MAF: variants seen among roughly 807,000 people sequenced by gnomAD.
MAF encodes the protein MAF bZIP transcription factor.
Under a neutral mutation model 22.0 loss-of-function variants are expected in MAF, and 10 were observed. That is an observed-to-expected ratio of 0.45 (90% confidence interval 0.28 to 0.77). The LOEUF is 0.77. MAF is among the 30% of genes least tolerant of loss of function. The pLI is 0.12. For synonymous variants in MAF, 337 were observed against 255.8 expected (o/e 1.32, Z -3.03); for missense variants, 544 against 548.4 (o/e 0.99, Z 0.08).
the MAF span, among the ~76,000 whole-genome samples, chr16:79,229,698 CGTT>C: frequency 2.6e-5 from 4 of 152,028 alleles, no homozygotes; most frequent in Admixed American, 6.6e-5. Context: ...GCTGGCTCCT[CGTT>C]GAGCTATCTA....
the MAF span, among the ~76,000 whole-genome samples, chr16:79,464,924 T>A: frequency 6.6e-6 from 1 of 152,152 alleles, no homozygotes; most frequent in Non-Finnish European, 1.5e-5. Flanking sequence ...TTCAAGGAGA[T>A]GATACAGAAA....
At chr16:79,572,877 G>T in the MAF span, among the ~76,000 whole-genome samples, 1 of 152,208 alleles carries the variant, frequency 6.6e-6, no homozygotes, top group East Asian at 1.9e-4. Context: ...AAGGTGTTAT[G>T]TCTGTGAATA....
the MAF span, among the ~76,000 whole-genome samples, chr16:79,373,732 C>T: frequency 6.6e-6 from 1 of 152,098 alleles, no homozygotes; most frequent in African/African-American, 2.4e-5. Context: ...TTAGCCCCCT[C>T]ATCATGTGAT....
At chr16:79,431,260 C>A in the MAF span, among the ~76,000 whole-genome samples, 13 of 152,078 alleles carry the variant, frequency 8.5e-5, no homozygotes, top group Non-Finnish European at 1.8e-4. Flanking sequence ...GGTGATGAGC[C>A]CCATGTCCCG....
chr16:79,214,591 G>C, the MAF span, among the ~76,000 whole-genome samples: 2 of 150,858 alleles, frequency 1.3e-5, no homozygotes, highest in Non-Finnish European at 1.5e-5. Flanking sequence ...ATTTTAAGTA[G>C]AGACGGGGTT....
the MAF span, among the ~76,000 whole-genome samples, chr16:79,573,734 A>C: frequency 6.6e-6 from 1 of 152,232 alleles, no homozygotes; most frequent in Admixed American, 6.5e-5. Flanking sequence ...TATATGTCCA[A>C]AGAAGAACAT....
the MAF span, among the ~76,000 whole-genome samples, chr16:79,292,197 T>C: frequency 2.0e-5 from 3 of 152,140 alleles, no homozygotes; most frequent in Non-Finnish European, 2.9e-5. Context: ...GTGATCTTAT[T>C]TGGAAATAGT....
At chr16:79,210,152 C>T in the MAF span, among the ~76,000 whole-genome samples, 15 of 152,324 alleles carry the variant, frequency 9.8e-5, no homozygotes, top group East Asian at 1.4e-3. Flanking sequence ...CGCCCAGAGT[C>T]GTATCACTTG....
chr16:79,227,215 G>A, the MAF span, among the ~76,000 whole-genome samples: 1 of 152,016 alleles, frequency 6.6e-6, no homozygotes, highest in African/African-American at 2.4e-5. Context: ...TCCAGGCATG[G>A]CGGCACACAC....
At chr16:79,557,168 T>TG in the MAF span, among the ~76,000 whole-genome samples, 1 of 111,182 alleles carries the variant, frequency 9.0e-6, no homozygotes, top group Non-Finnish European at 2.2e-5. Context: ...GCAAGTGTAG[T>TG]TTTTTTTATT....
chr16:79,511,437 A>G, the MAF span, among the ~76,000 whole-genome samples: 2 of 152,196 alleles, frequency 1.3e-5, no homozygotes, highest in African/African-American at 4.8e-5. Context: ...TCAGGTCTTT[A>G]TTTCTGAAAA....
At chr16:79,359,248 C>A in the MAF span, among the ~76,000 whole-genome samples, 1 of 152,124 alleles carries the variant, frequency 6.6e-6, no homozygotes, top group Non-Finnish European at 1.5e-5. Context: ...CATCTTGTTG[C>A]CATGTACCCC....
At chr16:79,366,241 A>G in the MAF span, among the ~76,000 whole-genome samples, 1 of 152,232 alleles carries the variant, frequency 6.6e-6, no homozygotes, top group Admixed American at 6.5e-5. Context: ...GCTCTACAAG[A>G]TTCAACCTTT....
chr16:79,435,446 G>A, the MAF span, among the ~76,000 whole-genome samples: 6 of 152,316 alleles, frequency 3.9e-5, no homozygotes, highest in East Asian at 9.7e-4. Flanking sequence ...GGTCAATAGC[G>A]AAATCTTCTT....
At chr16:79,434,336 T>G in the MAF span, among the ~76,000 whole-genome samples, 4 of 152,354 alleles carry the variant, frequency 2.6e-5, no homozygotes, top group South Asian at 8.3e-4. Flanking sequence ...GACTTCACCA[T>G]GGAGAGAGGG....
At chr16:79,506,726 C>A in the MAF span, among the ~76,000 whole-genome samples, 1 of 152,124 alleles carries the variant, frequency 6.6e-6, no homozygotes, top group African/African-American at 2.4e-5. Flanking sequence ...GGTCTGTGAG[C>A]TGTTCAGGGT....
At chr16:79,390,753 G>C in the MAF span, among the ~76,000 whole-genome samples, 2 of 152,158 alleles carry the variant, frequency 1.3e-5, no homozygotes, top group Non-Finnish European at 2.9e-5. Context: ...GATATGGGTA[G>C]AGAAATTAAT....
At chr16:79,344,672 A>C in the MAF span, among the ~76,000 whole-genome samples, 1 of 152,212 alleles carries the variant, frequency 6.6e-6, no homozygotes, top group Non-Finnish European at 1.5e-5. Context: ...AATCATAGTT[A>C]GCCACTTTGA....
At chr16:79,313,042 T>C in the MAF span, among the ~76,000 whole-genome samples, 1 of 152,104 alleles carries the variant, frequency 6.6e-6, no homozygotes, top group Non-Finnish European at 1.5e-5. Flanking sequence ...ACTGGGCAAA[T>C]AGAGTGAAGC....
Sources: gnomAD v4.1 joint callset for allele counts (sites outside exome capture counted in the v4.1 genomes callset) on GRCh38, gnomAD v4.1.1 for gene constraint, MANE v1.5 for transcripts, NCBI Gene and HGNC (gene_info 2026-07-23, HGNC 2026-07-21) for gene names.